The following TNNI3K variants were observed in gnomAD, a reference collection of about 807,000 sequenced individuals.
The protein encoded by TNNI3K is TNNI3 interacting kinase.
A neutral mutation model predicts 114.5 loss-of-function variants in TNNI3K; 140 were observed. The observed-to-expected ratio is 1.22, with a 90% CI of 1.07 to 1.41. The LOEUF (loss-of-function observed/expected upper bound fraction) is 1.41, where lower values mean the gene tolerates loss of function less well. TNNI3K is among the 40% of genes most tolerant of loss of function. The pLI, the probability that TNNI3K is intolerant of heterozygous loss-of-function variation, is 0.00. For missense variants in TNNI3K, 1,125 were observed against 1,007.6 expected (o/e 1.12, Z -1.58); for synonymous variants, 347 against 347.5 (o/e 1.00, Z 0.02).
At chr1:74,437,661 G>T (rs1324910164) in intron 19 of TNNI3K, among the ~76,000 whole-genome samples, 1 of 151,888 alleles carries the variant, frequency 6.6e-6, no homozygotes, top group African/African-American at 2.4e-5. Flanking sequence ...GAGGAAAGTG[G>T]CAGTTTATGA....
chr1:74,465,383 C>CT (rs1432377655), intron 21 of TNNI3K, among the ~76,000 whole-genome samples: 1 of 152,084 alleles, frequency 6.6e-6, no homozygotes, highest in East Asian at 1.9e-4. Context: ...ACTCCAGGCA[C>CT]TGAGGGGCTT....
intron 20 of TNNI3K, among the ~76,000 whole-genome samples, chr1:74,443,224 G>A (rs971139515): frequency 6.6e-6 from 1 of 151,924 alleles, no homozygotes; most frequent in African/African-American, 2.4e-5. Context: ...AATCCAGGAG[G>A]TGGTTTTTTG....
chr1:74,507,223 A>AACCCCC (rs1669949819), intron 23 of TNNI3K, among the ~76,000 whole-genome samples: 1 of 120,328 alleles, frequency 8.3e-6, no homozygotes, highest in Non-Finnish European at 1.7e-5. Flanking sequence ...AAATTTCTTC[A>AACCCCC]CCCCCCCCCC....
chr1:74,355,029 C>T (rs952018160), intron 11 of TNNI3K, among the ~76,000 whole-genome samples: 4 of 152,006 alleles, frequency 2.6e-5, no homozygotes, highest in African/African-American at 9.7e-5. Flanking sequence ...ACATACACTC[C>T]TAAGGAGTTT....
At chr1:74,254,485 AT>A (rs558346357) in intron 4 of TNNI3K, among the ~76,000 whole-genome samples, 7 of 151,928 alleles carry the variant, frequency 4.6e-5, no homozygotes, top group East Asian at 1.9e-4. Context: ...CGATCCTTGT[AT>A]TTTTTTATCT....
chr1:74,485,628 T>G (rs1359944477), intron 21 of TNNI3K, among the ~76,000 whole-genome samples: 1 of 152,170 alleles, frequency 6.6e-6, no homozygotes, highest in Admixed American at 6.5e-5. Flanking sequence ...ATCATATGAC[T>G]AAAGGAAGAT....
intron 23 of TNNI3K, among the ~76,000 whole-genome samples, chr1:74,509,098 T>G (rs1670052407): frequency 6.6e-6 from 1 of 152,220 alleles, no homozygotes; most frequent in Non-Finnish European, 1.5e-5. Context: ...CTTCTTTTTA[T>G]CACTTATTCT....
In TNNI3K at chr1:74,500,550, G is replaced by A. The variant is rs1010593249; in HGVS notation, c.2351+8284G>A. ...ACCCGGGAGGCGGAGCTTGCAGTGA[G>A]CTGAGATCCCGCCACTGCACTCCAG... On this transcript the variant is annotated intron_variant, in intron 23 of 24. Transcript: ENST00000326637. Among the ~76,000 whole-genome samples, 7 of 135,916 alleles carry A rather than the reference G, an allele frequency of 5.2e-5. No homozygotes were observed. The South Asian group carries it at 1.5e-3, about 29-fold the overall frequency. The allele number at this position is 135,916 out of a possible 152,430, so 89.2% of individuals were successfully genotyped here. A position where few individuals can be genotyped will look rare whatever the true frequency, so the allele number is the denominator to read the frequency against.
chr1:74,336,061 A>G lies in TNNI3K; in HGVS notation c.594A>G (p.Glu198=), dbSNP rs769351193. 6.3e-7 allele frequency: 1 copy of G among 1,599,112 alleles called. No individual in the cohort carries two copies. Among genetic ancestry groups the G allele is most frequent in the East Asian group, 2.2e-5 (1 of 44,578 alleles). The change falls in exon 7 of 25, where the codon GAA becomes GAG. Residue 198 remains glutamate, a synonymous_variant. Transcript: ENST00000326637. ...KFGADVNVSG[E]VGDRPLHLAS... Reference sequence around the variant, plus strand: ...GTGCTGATGTAAATGTAAGTGGTGAAGTTGGAGATAGACCCCTCCACCTAG... The same window carrying G: ...GTGCTGATGTAAATGTAAGTGGTGAGGTTGGAGATAGACCCCTCCACCTAG...
At chr1:74,319,083 C>T (rs983236364) in intron 5 of TNNI3K, among the ~76,000 whole-genome samples, 1 of 152,204 alleles carries the variant, frequency 6.6e-6, no homozygotes, top group Non-Finnish European at 1.5e-5. Flanking sequence ...GCTGGATCCC[C>T]TGGCTTAGGG....
intron 17 of TNNI3K, among the ~76,000 whole-genome samples, chr1:74,380,338 T>C (rs1342229825): frequency 6.6e-6 from 1 of 152,196 alleles, no homozygotes; most frequent in Non-Finnish European, 1.5e-5. Flanking sequence ...CACTGGAACC[T>C]GGCAACAGGA....
chr1:74,243,922 A>G (rs1412074131), intron 2 of TNNI3K, among the ~76,000 whole-genome samples: 2 of 152,142 alleles, frequency 1.3e-5, no homozygotes, highest in Admixed American at 1.3e-4. Context: ...TTAAAAAATA[A>G]ATTGAGCTTA....
At chr1:74,267,384 C>T (rs1285616332) in intron 4 of TNNI3K, among the ~76,000 whole-genome samples, 1 of 151,818 alleles carries the variant, frequency 6.6e-6, no homozygotes, top group African/African-American at 2.4e-5. Flanking sequence ...TTCCTTGAGA[C>T]TCGATCAGGA....
chr1:74,446,146 A>G (rs1666660179), intron 20 of TNNI3K, among the ~76,000 whole-genome samples: 1 of 152,154 alleles, frequency 6.6e-6, no homozygotes, highest in Non-Finnish European at 1.5e-5. Context: ...ACTAGTTTAC[A>G]GTCCCACCAA....
At position 74,445,544 on chromosome 1, in the gene TNNI3K, G is replaced by A. The variant is rs369763373; in HGVS notation, c.2011+5922G>A. ...TTTCATCCATGTCCCTACAAAGGAC[G>A]TGAACTCATCATTTTTTATGGCTGC... On this transcript the variant is annotated intron_variant, in intron 20 of 24. Transcript: ENST00000326637. Among the ~76,000 whole-genome samples the A allele has an allele frequency of 8.0e-3, 1,197 of 149,566 alleles. 4 individuals carry two copies. The highest frequency in any genetic ancestry group is 0.017 in the Middle Eastern group (5 of 288).
intron 5 of TNNI3K, among the ~76,000 whole-genome samples, chr1:74,322,521 C>G (rs1429918469): frequency 6.7e-6 from 1 of 148,700 alleles, no homozygotes; most frequent in African/African-American, 2.5e-5. Context: ...AGTGCAGTGG[C>G]ACCATCTCGG....
At chr1:74,540,147 T>C (rs1646708848) in intron 23 of TNNI3K, 87 bp from the exon 24 acceptor site, 1 of 1,405,924 alleles carries the variant, frequency 7.1e-7, no homozygotes. Flanking sequence ...TTCTCTGGGA[T>C]CTATGTTGAG....
intron 4 of TNNI3K, among the ~76,000 whole-genome samples, chr1:74,255,582 TCATA>T (rs1655235503): frequency 6.6e-6 from 1 of 152,250 alleles, no homozygotes; most frequent in African/African-American, 2.4e-5. Flanking sequence ...TGATTAATCC[TCATA>T]CATCTTTTTG....
intron 17 of TNNI3K, among the ~76,000 whole-genome samples, chr1:74,396,203 G>A (rs1221610931): frequency 6.6e-6 from 1 of 152,180 alleles, no homozygotes; most frequent in African/African-American, 2.4e-5. Flanking sequence ...GCCAGAGTAA[G>A]AGTAATCTGG....
Sources: allele counts gnomAD v4.1 joint callset (sites outside exome capture counted in the v4.1 genomes callset), GRCh38; gene constraint gnomAD v4.1.1; transcripts MANE v1.5; gene names NCBI Gene and HGNC (gene_info 2026-07-23, HGNC 2026-07-21).